The following CCNJL variants were observed in gnomAD, a reference collection of about 807,000 sequenced individuals.
CCNJL encodes cyclin J like.
Under a neutral mutation model 33.4 loss-of-function variants are expected in CCNJL, and 33 were observed. The observed-to-expected ratio is 0.99, with a 90% CI of 0.75 to 1.32. The LOEUF (loss-of-function observed/expected upper bound fraction) is 1.32, where lower values mean the gene tolerates loss of function less well. Among genes scored for constraint, CCNJL ranks in the 40% most tolerant of loss-of-function variants. The probability of loss-of-function intolerance (pLI) is 0.00; values close to 1 mark genes in which losing one functional copy is unlikely to be tolerated. For missense variants in CCNJL, 512 were observed against 499.7 expected (o/e 1.02, Z -0.23); for synonymous variants, 227 against 220.9 (o/e 1.03, Z -0.24).
chr5:160,283,616 G>C (rs943839076), intron 2 of CCNJL, among the ~76,000 whole-genome samples: 1 of 152,142 alleles, frequency 6.6e-6, no homozygotes, highest in African/African-American at 2.4e-5. Context: ...TTTATCCTTT[G>C]TGTTACAAAC....
At chr5:160,296,613 T>C (rs1176085006) in intron 2 of CCNJL, among the ~76,000 whole-genome samples, 1 of 152,192 alleles carries the variant, frequency 6.6e-6, no homozygotes, top group Non-Finnish European at 1.5e-5. Flanking sequence ...TTGCCCTCCA[T>C]GGGTTCTCAG....
intron 5 of CCNJL, 139 bp downstream of exon 5, chr5:160,255,410 C>G: frequency 1.4e-6 from 1 of 699,002 alleles, no homozygotes; most frequent in Non-Finnish European, 2.4e-6. Context: ...GTCACCATGG[C>G]CCACTTTCCC....
At chr5:160,302,988 G>A (rs963657415) in intron 2 of CCNJL, among the ~76,000 whole-genome samples, 5 of 152,064 alleles carry the variant, frequency 3.3e-5, no homozygotes, top group Non-Finnish European at 7.4e-5. Context: ...AGGGAAATTT[G>A]GGGACAACGG....
intron 3 of CCNJL, among the ~76,000 whole-genome samples, chr5:160,277,743 T>C (rs1401745382): frequency 7.5e-6 from 1 of 133,880 alleles, no homozygotes; most frequent in Non-Finnish European, 1.6e-5. Context: ...CCTGTCTATC[T>C]GTTTTTTTTT....
chr5:160,271,103 T>C (rs992263487), intron 3 of CCNJL, among the ~76,000 whole-genome samples: 2 of 152,168 alleles, frequency 1.3e-5, no homozygotes, highest in Non-Finnish European at 2.9e-5. Context: ...TCCAGGTAAA[T>C]GCTCCACACA....
intron 2 of CCNJL, among the ~76,000 whole-genome samples, chr5:160,305,073 C>T (rs1763049119): frequency 6.6e-6 from 1 of 152,088 alleles, no homozygotes; most frequent in Non-Finnish European, 1.5e-5. Context: ...CTCGGCCTCC[C>T]AAAGTGCTGG....
Position 160,255,694 on chromosome 5 carries a change from T to C in CCNJL, c.598A>G (p.Lys200Glu), listed in dbSNP as rs1190041430. ...GCAGCGACCACAGAAGGCTGGAATT[T>C]GTAGAATATGTGATCTGAAAGAAAG... ...EVTLQDHIFYKFQPSVVAAAC... is the reference protein window; with the variant it reads ...EVTLQDHIFYEFQPSVVAAAC... Residue 200 changes from lysine to glutamate, a missense_variant, in exon 5 of 6, where the codon AAA becomes GAA. Lys to Glu is a moderately conservative substitution (Grantham distance 56). Transcript: ENST00000257536. 2 of 1,613,832 alleles carry C rather than the reference T, an allele frequency of 1.2e-6. No individual in the cohort carries two copies. Among genetic ancestry groups the C allele is most frequent in the Admixed American group, 1.7e-5 (1 of 60,014 alleles).
chr5:160,303,474 G>A (rs1392349296), intron 2 of CCNJL, among the ~76,000 whole-genome samples: 1 of 151,624 alleles, frequency 6.6e-6, no homozygotes, highest in Non-Finnish European at 1.5e-5. Context: ...CCAAAGTGCT[G>A]GGATTACAGG....
chr5:160,324,567 C>T (rs1763511768), intron 1 of CCNJL, among the ~76,000 whole-genome samples: 1 of 151,566 alleles, frequency 6.6e-6, no homozygotes, highest in Non-Finnish European at 1.5e-5. Flanking sequence ...GAGCAAAACT[C>T]GGTCTCCAAA....
intron 2 of CCNJL, among the ~76,000 whole-genome samples, chr5:160,303,021 C>T (rs1286384797): frequency 6.6e-6 from 1 of 152,082 alleles, no homozygotes; most frequent in Non-Finnish European, 1.5e-5. Context: ...TTTCCATCAT[C>T]TACTCTTTTG....
chr5:160,253,342 C>T lies in CCNJL; in HGVS notation c.*36G>A. ...CTTCAGTGTCCTCTTCCTCTGCCCACATCTCCAAGGCTTCCTCGTGAGGTC... is the reference window on the plus strand; with the variant it reads ...CTTCAGTGTCCTCTTCCTCTGCCCATATCTCCAAGGCTTCCTCGTGAGGTC... On this transcript the variant is annotated 3_prime_UTR_variant, in exon 6 of 6. Coordinates refer to ENST00000257536, the MANE Select transcript of CCNJL (RefSeq NM_001308173.3). 1 of 1,536,426 alleles carries T rather than the reference C, an allele frequency of 6.5e-7. No individual in the cohort carries two copies. Among genetic ancestry groups the T allele is most frequent in the South Asian group, 1.3e-5 (1 of 78,882 alleles).
intron 2 of CCNJL, among the ~76,000 whole-genome samples, chr5:160,293,698 G>A (rs987234944): frequency 3.3e-5 from 5 of 152,028 alleles, no homozygotes; most frequent in Non-Finnish European, 7.4e-5. Flanking sequence ...CCCACCCTCC[G>A]AGGTGGAACC....
At chr5:160,275,146 G>A (rs536303818) in intron 3 of CCNJL, among the ~76,000 whole-genome samples, 110 of 150,298 alleles carry the variant, frequency 7.3e-4, no homozygotes, top group African/African-American at 2.6e-3. Context: ...GTGCAGTGGT[G>A]CAATCTTGGC....
intron 2 of CCNJL, among the ~76,000 whole-genome samples, chr5:160,310,596 G>A (rs370289211): frequency 7.9e-5 from 12 of 152,286 alleles, no homozygotes; most frequent in Non-Finnish European, 1.6e-4. Context: ...TGTATTGGGC[G>A]CAGTAGTGTC....
chr5:160,257,452 G>A (rs2113222896), intron 4 of CCNJL, among the ~76,000 whole-genome samples: 1 of 152,130 alleles, frequency 6.6e-6, no homozygotes, highest in Admixed American at 6.6e-5. Context: ...TCCAGCCTGG[G>A]TGACAGAGCA....
At position 160,251,274 on chromosome 5, in the gene CCNJL, G is replaced by C. The variant is rs1456210153; in HGVS notation, c.*2104C>G. Reference sequence around the variant, plus strand: ...TTCCAGCCTGTGGGCCTGCCCTACAGATTTTGAACTCTACTGCAACATCAG... The same window carrying C: ...TTCCAGCCTGTGGGCCTGCCCTACACATTTTGAACTCTACTGCAACATCAG... On this transcript the variant is annotated 3_prime_UTR_variant, in exon 6 of 6. Coordinates refer to ENST00000257536, the MANE Select transcript of CCNJL (RefSeq NM_001308173.3). 1 of 152,224 alleles carries C rather than the reference G, an allele frequency of 6.6e-6. No homozygotes were observed. Among genetic ancestry groups the C allele is most frequent in the Admixed American group, 6.5e-5 (1 of 15,286 alleles). The allele number at this position is 152,224 out of a possible 1,614,324, so 9.4% of individuals were successfully genotyped here. A position where few individuals can be genotyped will look rare whatever the true frequency, so the allele number is the denominator to read the frequency against.
At chr5:160,276,140 A>G (rs1644653612) in intron 3 of CCNJL, 1 of 152,168 alleles carries the variant, frequency 6.6e-6, no homozygotes, top group Non-Finnish European at 1.5e-5. Flanking sequence ...CACGCCTGTA[A>G]CCCCAGCACT....
Position 160,253,544 on chromosome 5 carries a change from G to A in CCNJL, c.998C>T (p.Pro333Leu), listed in dbSNP as rs200717032. The change falls in exon 6 of 6, where the codon CCG becomes CTG. Residue 333 changes from proline (P) to leucine (L), a missense_variant. By Grantham distance (98) the Pro-to-Leu change is moderately conservative. Transcript: ENST00000257536. ...ATCCAAGGGCTGCAGCGGTTGGTAC[G>A]GGGTGTGGAGGGATGAGCCTGTACT... ...SGSTGSSLHTPYQPLQPLDMC... is the reference protein window; with the variant it reads ...SGSTGSSLHTLYQPLQPLDMC... 345 of 1,614,202 alleles carry A rather than the reference G, an allele frequency of 2.1e-4. No homozygotes were observed. The African/African-American group carries it at 3.4e-3, about 16-fold the overall frequency.
chr5:160,325,694 G>A (rs576898239), intron 1 of CCNJL, among the ~76,000 whole-genome samples: 1 of 152,162 alleles, frequency 6.6e-6, no homozygotes, highest in South Asian at 2.1e-4. Flanking sequence ...AAGCAAACTG[G>A]CAGCCCACAC....
Sources: gnomAD v4.1 joint callset for allele counts (sites outside exome capture counted in the v4.1 genomes callset) on GRCh38, gnomAD v4.1.1 for gene constraint, MANE v1.5 for transcripts, NCBI Gene and HGNC (gene_info 2026-07-23, HGNC 2026-07-21) for gene names.